The following LIPI variants were observed in gnomAD, a reference collection of about 807,000 sequenced individuals.
The protein encoded by LIPI is lipase member I.
In LIPI, 59 loss-of-function variants were observed where a neutral mutation model predicts 50.6. The observed-to-expected ratio is 1.16, with a 90% CI of 0.94 to 1.45. The LOEUF (loss-of-function observed/expected upper bound fraction) is 1.45. Among genes scored for constraint, LIPI ranks in the 40% most tolerant of loss-of-function variants. The pLI is 0.00. For missense variants in LIPI, 586 were observed against 536.3 expected, an observed-to-expected ratio of 1.09 and a Z score of -0.92; for synonymous variants, 203 against 178.2, an observed-to-expected ratio of 1.14 and a Z score of -1.11.
chr21:14,131,060 C>G (rs1313494714), intron 9 of LIPI, among the ~76,000 whole-genome samples: 2 of 152,190 alleles, frequency 1.3e-5, no homozygotes, highest in African/African-American at 4.8e-5. Flanking sequence ...ATGCCACTCT[C>G]CTGCCTCAGC....
intron 9 of LIPI, among the ~76,000 whole-genome samples, chr21:14,122,153 G>A (rs1209218038): frequency 6.6e-6 from 1 of 152,196 alleles, no homozygotes; most frequent in Non-Finnish European, 1.5e-5. Context: ...AACAGGCACG[G>A]GAGGAAACCA....
chr21:14,198,421 A>T (rs190442473), intron 1 of LIPI, among the ~76,000 whole-genome samples: 43 of 152,206 alleles, frequency 2.8e-4, no homozygotes, highest in African/African-American at 9.9e-4. Flanking sequence ...AGGGATGGAG[A>T]AGAATCTACC....
At chr21:14,129,285 A>G (rs2017189972) in intron 9 of LIPI, among the ~76,000 whole-genome samples, 2 of 152,138 alleles carry the variant, frequency 1.3e-5, no homozygotes, top group Non-Finnish European at 2.9e-5. Context: ...ATAAATGTAC[A>G]GAATGGCGAG....
At chr21:14,149,265 T>C (rs534093278) in intron 8 of LIPI, among the ~76,000 whole-genome samples, 1 of 152,222 alleles carries the variant, frequency 6.6e-6, no homozygotes, top group Non-Finnish European at 1.5e-5. Flanking sequence ...AGAAGCCCCA[T>C]ATAAAACCAT....
At chr21:14,180,073 G>C (rs1012553714) in intron 4 of LIPI, among the ~76,000 whole-genome samples, 3 of 152,024 alleles carry the variant, frequency 2.0e-5, no homozygotes, top group African/African-American at 7.2e-5. Flanking sequence ...ATAAATGGCC[G>C]CTCTGGGAAT....
chr21:14,114,325 A>G (rs1189689695), intron 9 of LIPI, among the ~76,000 whole-genome samples: 1 of 152,128 alleles, frequency 6.6e-6, no homozygotes, highest in Non-Finnish European at 1.5e-5. Context: ...AATCAGACCC[A>G]CCCAAAATGG....
chr21:14,171,150 A>G (rs2018888309), intron 4 of LIPI, among the ~76,000 whole-genome samples: 1 of 150,702 alleles, frequency 6.6e-6, no homozygotes, highest in Non-Finnish European at 1.5e-5. Flanking sequence ...TAGGAATCCA[A>G]CTTACAAGGG....
At chr21:14,178,198 T>A (rs2019157558) in intron 4 of LIPI, among the ~76,000 whole-genome samples, 1 of 152,196 alleles carries the variant, frequency 6.6e-6, no homozygotes, top group African/African-American at 2.4e-5. Flanking sequence ...TTGAATGGAA[T>A]TAATTGGGCA....
At chr21:14,203,444 T>A (rs922810226) in intron 1 of LIPI, among the ~76,000 whole-genome samples, 8 of 152,002 alleles carry the variant, frequency 5.3e-5, no homozygotes, top group South Asian at 2.1e-4. Flanking sequence ...CAAATGTCCA[T>A]CAATGATAGA....
At chr21:14,167,429 C>G (rs553385012) in intron 4 of LIPI, among the ~76,000 whole-genome samples, 1 of 152,184 alleles carries the variant, frequency 6.6e-6, no homozygotes. Flanking sequence ...GTCCCTGACC[C>G]CCGACCTCCA....
intron 1 of LIPI, among the ~76,000 whole-genome samples, chr21:14,200,815 C>T (rs890485692): frequency 6.6e-6 from 1 of 151,966 alleles, no homozygotes; most frequent in African/African-American, 2.4e-5. Flanking sequence ...CAAGGCAATC[C>T]TAAGCACAAA....
Position 14,165,244 on chromosome 21 carries a change from C to A in LIPI, c.880G>T (p.Glu294Ter). 1 of 1,611,516 alleles carries A rather than the reference C, an allele frequency of 6.2e-7. No individual in the cohort carries two copies. The highest frequency in any genetic ancestry group is 8.5e-7 in the Non-Finnish European group (1 of 1,178,016). The part of the protein sequence containing the change: ...SLCVDCDCFK[E>*]KSCPRLGYQA... ...TTACCCAGCCGAGGACATGATTTTT[C>A]CTTAAAACAGTCACAGTCCACACAT... is the stretch of plus-strand genomic sequence containing the variant. Residue 294 changes from glutamate to a stop codon, truncating the protein, a stop_gained, in exon 6 of 10, where the codon GAA becomes TAA. Coordinates refer to ENST00000681601, the MANE Select transcript of LIPI (RefSeq NM_001302998.2). LOFTEE classifies it high-confidence loss of function.
chr21:14,150,978 T>A (rs1293979675), intron 8 of LIPI, among the ~76,000 whole-genome samples: 1 of 152,218 alleles, frequency 6.6e-6, no homozygotes, highest in African/African-American at 2.4e-5. Flanking sequence ...GAAAATTACA[T>A]TTATACAATC....
intron 4 of LIPI, among the ~76,000 whole-genome samples, chr21:14,172,137 C>T (rs2018935090): frequency 6.6e-6 from 1 of 151,976 alleles, no homozygotes; most frequent in Non-Finnish European, 1.5e-5. Context: ...CACTGGCCAT[C>T]AGAGAAATGC....
intron 4 of LIPI, among the ~76,000 whole-genome samples, chr21:14,169,317 T>C (rs2018808436): frequency 1.3e-5 from 2 of 151,968 alleles, no homozygotes; most frequent in Non-Finnish European, 2.9e-5. Flanking sequence ...GACAGAAAGT[T>C]AACAAGGATA....
intron 9 of LIPI, among the ~76,000 whole-genome samples, chr21:14,126,393 C>T (rs2017066931): frequency 6.6e-6 from 1 of 152,062 alleles, no homozygotes; most frequent in African/African-American, 2.4e-5. Context: ...TAAGTAACAA[C>T]ATAGATAAAT....
intron 9 of LIPI, among the ~76,000 whole-genome samples, chr21:14,122,691 A>G (rs1174628855): frequency 6.6e-6 from 1 of 152,224 alleles, no homozygotes; most frequent in Non-Finnish European, 1.5e-5. Context: ...TCTGCTTGCC[A>G]GCCAAAAAGC....
At chr21:14,151,258 AC>A (rs2018080249) in intron 8 of LIPI, among the ~76,000 whole-genome samples, 1 of 152,198 alleles carries the variant, frequency 6.6e-6, no homozygotes, top group Non-Finnish European at 1.5e-5. Flanking sequence ...TAATACTGTA[AC>A]ATTAAATACT....
intron 4 of LIPI, among the ~76,000 whole-genome samples, chr21:14,173,305 A>T (rs929460958): frequency 6.6e-6 from 1 of 152,184 alleles, no homozygotes; most frequent in Non-Finnish European, 1.5e-5. Context: ...CTGGTGCTGG[A>T]TTCACTAACT....
Sources: allele counts gnomAD v4.1 joint callset (sites outside exome capture counted in the v4.1 genomes callset), GRCh38; gene constraint gnomAD v4.1.1; transcripts MANE v1.5; gene names NCBI Gene and HGNC (gene_info 2026-07-23, HGNC 2026-07-21).